The following ARMC3 variants were observed in gnomAD, a reference collection of about 807,000 sequenced individuals.
ARMC3 encodes armadillo repeat containing 3.
A neutral mutation model predicts 90.3 loss-of-function variants in ARMC3; 74 were observed. The observed-to-expected ratio is 0.82, with a 90% confidence interval of 0.68 to 0.99. ARMC3 has a LOEUF of 0.99. Ranked by LOEUF, ARMC3 falls within the 50% of genes least tolerant of loss-of-function variation. The pLI is 0.00. For missense variants in ARMC3, 958 were observed against 1,042.8 expected (o/e 0.92, Z 1.12); for synonymous variants, 334 against 361.8 (o/e 0.92, Z 0.87).
At chr10:22,954,072 A>T (rs1407962481) in intron 3 of ARMC3, among the ~76,000 whole-genome samples, 1 of 152,184 alleles carries the variant, frequency 6.6e-6, no homozygotes, top group African/African-American at 2.4e-5. Flanking sequence ...GTGGGTGTGA[A>T]GTGGTATCTC....
intron 7 of ARMC3, among the ~76,000 whole-genome samples, chr10:22,962,744 G>A (rs1275459363): frequency 6.6e-6 from 1 of 152,130 alleles, no homozygotes; most frequent in South Asian, 2.1e-4. Flanking sequence ...GGAGAAAAAC[G>A]GAGTGGTAAC....
intron 2 of ARMC3, 80 bp downstream of exon 2, chr10:22,932,124 C>G (rs1833955397): frequency 1.6e-6 from 2 of 1,223,508 alleles, no homozygotes; most frequent in Non-Finnish European, 2.3e-6. Context: ...TGGCATGTAC[C>G]AGTATATACA....
chr10:22,995,998 A>AT (rs1338916856), intron 10 of ARMC3, among the ~76,000 whole-genome samples: 1 of 152,234 alleles, frequency 6.6e-6, no homozygotes, highest in Non-Finnish European at 1.5e-5. Flanking sequence ...CAAAGGAATC[A>AT]TGCATTTTGG....
chr10:23,003,916 G>A (rs1837448688), intron 13 of ARMC3, among the ~76,000 whole-genome samples: 1 of 152,166 alleles, frequency 6.6e-6, no homozygotes, highest in Non-Finnish European at 1.5e-5. Context: ...GGGAGTCTGA[G>A]GTAGGAGAAT....
At chr10:23,018,427 G>A (rs576119869) in intron 16 of ARMC3, among the ~76,000 whole-genome samples, 8 of 152,064 alleles carry the variant, frequency 5.3e-5, no homozygotes, top group East Asian at 3.9e-4. Context: ...CTGTCTCTGC[G>A]TGACTGTGGC....
chr10:22,950,689 T>C (rs1834709136), intron 3 of ARMC3, among the ~76,000 whole-genome samples: 1 of 152,094 alleles, frequency 6.6e-6, no homozygotes, highest in South Asian at 2.1e-4. Flanking sequence ...GAGAAATTGG[T>C]ATATTGGATA....
chr10:23,023,330 A>G (rs984450877), intron 16 of ARMC3, among the ~76,000 whole-genome samples: 2 of 152,212 alleles, frequency 1.3e-5, no homozygotes, highest in African/African-American at 2.4e-5. Flanking sequence ...CACTGCCTAC[A>G]AAAGTAGTCC....
intron 2 of ARMC3, among the ~76,000 whole-genome samples, chr10:22,937,598 T>G (rs1365184024): frequency 2.6e-5 from 4 of 152,168 alleles, no homozygotes; most frequent in Non-Finnish European, 5.9e-5. Flanking sequence ...GGTTGGGATC[T>G]GTGGAAACTC....
At chr10:23,019,127 A>G (rs1462662401) in intron 16 of ARMC3, among the ~76,000 whole-genome samples, 1 of 152,250 alleles carries the variant, frequency 6.6e-6, no homozygotes, top group African/African-American at 2.4e-5. Flanking sequence ...TTACCAGCTC[A>G]GAAGTATTTT....
intron 2 of ARMC3, among the ~76,000 whole-genome samples, chr10:22,939,919 T>C (rs1020741239): frequency 6.6e-6 from 1 of 152,108 alleles, no homozygotes; most frequent in African/African-American, 2.4e-5. Context: ...AGATGATCAA[T>C]TAAGACCCAA....
rs765687705 is a variant in ARMC3 at position 22,998,167 on chromosome 10, G to T, written c.1195G>T (p.Gly399Cys). The change falls in exon 11 of 19, where the codon GGT becomes TGT. Residue 399 changes from glycine (G) to cysteine (C), a missense_variant. Physicochemically the swap from Gly to Cys is radical, Grantham distance 159 (BLOSUM62 -3). Coordinates refer to ENST00000298032, the MANE Select transcript of ARMC3 (RefSeq NM_173081.5). Reference protein sequence around the residue: ...ANANAAAEADGIDPLINLLSS... With the variant: ...ANANAAAEADCIDPLINLLSS... ...ACTCAGCGCTGCTGCTGAAGCTGAT[G>T]GTATTGATCCATTAATAAACCTCCT... 6.2e-7 allele frequency: 1 copy of T among 1,613,850 alleles called. No individual in the cohort carries two copies. Among genetic ancestry groups the T allele is most frequent in the South Asian group, 1.1e-5 (1 of 91,006 alleles).
intron 11 of ARMC3, among the ~76,000 whole-genome samples, chr10:23,000,839 T>C (rs902513289): frequency 5.9e-5 from 9 of 152,218 alleles, no homozygotes; most frequent in African/African-American, 1.9e-4. Context: ...GCTGGTAGAA[T>C]AAGAACATTC....
At chr10:22,943,456 C>A (rs1441736145) in intron 2 of ARMC3, among the ~76,000 whole-genome samples, 5 of 151,946 alleles carry the variant, frequency 3.3e-5, no homozygotes, top group Non-Finnish European at 4.4e-5. Flanking sequence ...TTTTAACCTG[C>A]ATTTTTTTCT....
intron 17 of ARMC3, 46 bp from the exon 18 acceptor site, chr10:23,032,815 C>T (rs375753111): frequency 2.0e-5 from 31 of 1,554,060 alleles, no homozygotes; most frequent in Admixed American, 5.5e-5. Flanking sequence ...GCATCCTAAG[C>T]GAGTTATTAA....
At chr10:22,949,892 AG>A (rs1222723736) in intron 3 of ARMC3, among the ~76,000 whole-genome samples, 2 of 152,170 alleles carry the variant, frequency 1.3e-5, no homozygotes, top group African/African-American at 4.8e-5. Context: ...ATTCAAATAA[AG>A]ATAAGGATGA....
intron 10 of ARMC3, among the ~76,000 whole-genome samples, chr10:22,996,233 ATTAGAACCTCCAACTTCTCCCTC>A: frequency 6.6e-6 from 1 of 152,322 alleles, no homozygotes; most frequent in Admixed American, 6.5e-5. Flanking sequence ...AAACTAATAT[ATTAGAACCTCCAACTTCTCCCTC>A]TTTCATAAAA....
rs538679084 is a variant in ARMC3, at chr10:22,944,380, T to C, written c.49-1764T>C. On this transcript the variant is annotated intron_variant, in intron 2 of 18. Transcript: ENST00000298032. ...CATTTTAAACCATCTTGTGTTATTT[T>C]CCCCATTTGCATATCCTCCCTTCTC... Among the ~76,000 whole-genome samples the C allele has an allele frequency of 3.3e-5, 5 of 152,306 alleles. No homozygotes were observed. In the East Asian group the frequency reaches 9.6e-4, roughly 29 times the overall value.
chr10:22,985,806 T>C (rs1229955883), intron 10 of ARMC3, among the ~76,000 whole-genome samples: 1 of 152,154 alleles, frequency 6.6e-6, no homozygotes, highest in Non-Finnish European at 1.5e-5. Context: ...TGGAAGTAAA[T>C]TCCGCTTCCG....
rs374410268 is a variant in ARMC3, at chr10:23,006,763, T to A, written c.1732-121T>A. ...ATTTTATATATGTATATTGTACATG[T>A]GTGTGTTTGTGTGTGTGAAATGAGA... On this transcript the variant is annotated intron_variant, in intron 13 of 18. Coordinates refer to ENST00000298032, the MANE Select transcript of ARMC3 (RefSeq NM_173081.5). The A allele has an allele frequency of 5.4e-5, 41 of 763,444 alleles. No homozygotes were observed. The African/African-American group carries it at 6.5e-4, about 12-fold the overall frequency. The allele number at this position is 763,444 out of a possible 1,614,324, so 47.3% of individuals were successfully genotyped here.
Sources: gnomAD v4.1 joint callset for allele counts (sites outside exome capture counted in the v4.1 genomes callset) on GRCh38, gnomAD v4.1.1 for gene constraint, MANE v1.5 for transcripts, NCBI Gene and HGNC (gene_info 2026-07-23, HGNC 2026-07-21) for gene names.